Variants in RIPOR3 observed in about 807,000 individuals in gnomAD.
The protein encoded by RIPOR3 is family with sequence similarity 65 member C.
Under a neutral mutation model 114.3 loss-of-function variants are expected in RIPOR3, and 95 were observed. The ratio of observed to expected loss-of-function variants is 0.83; its 90% CI spans 0.70 to 0.99. RIPOR3 has a LOEUF of 0.99. Among genes scored for constraint, RIPOR3 ranks in the 50% least tolerant of loss-of-function variants. The pLI is 0.00. For missense variants in RIPOR3, 1,252 were observed against 1,266.9 expected (o/e 0.99, Z 0.18); for synonymous variants, 575 against 543.8 (o/e 1.06, Z -0.80).
At chr20:50,677,367 CTT>C (rs34725648) in intron 1 of RIPOR3, among the ~76,000 whole-genome samples, 66,549 of 96,326 alleles carry the variant, frequency 0.69, 22,622 homozygotes, top group East Asian at 0.78. Context: ...TCTTGTTTTA[CTT>C]TTTTTTTTTT....
At chr20:50,624,929 A>G (rs1040145200) in intron 2 of RIPOR3, among the ~76,000 whole-genome samples, 4 of 152,232 alleles carry the variant, frequency 2.6e-5, no homozygotes, top group African/African-American at 9.6e-5. Context: ...GACTGACTGC[A>G]CAGGCTTCAG....
At chr20:50,592,697 C>G (rs2083152714) in intron 18 of RIPOR3, 151 bp from the exon 19 acceptor site, 2 of 717,454 alleles carry the variant, frequency 2.8e-6, no homozygotes, top group East Asian at 6.0e-5. Context: ...ACTAATTTCA[C>G]AGGGAGCTCC....
At chr20:50,635,931 C>T (rs1023849320) in intron 1 of RIPOR3, among the ~76,000 whole-genome samples, 2 of 152,206 alleles carry the variant, frequency 1.3e-5, no homozygotes, top group Non-Finnish European at 1.5e-5. Flanking sequence ...GGAGGGGGAC[C>T]TGCCAAGCTA....
chr20:50,599,608 A>C (rs1205575058), intron 13 of RIPOR3, among the ~76,000 whole-genome samples: 1 of 151,990 alleles, frequency 6.6e-6, no homozygotes, highest in Admixed American at 6.6e-5. Flanking sequence ...AAGCACAAAA[A>C]CTTGAAAAAC....
intron 1 of RIPOR3, among the ~76,000 whole-genome samples, chr20:50,666,212 C>CTTTTCTTTTCTTTT (rs1568944944): frequency 2.3e-4 from 25 of 108,408 alleles, no homozygotes; most frequent in African/African-American, 1.1e-3. Context: ...CTTTTCTTTT[C>CTTTTCTTTTCTTTT]TTTTCTTTTC....
At chr20:50,589,084 G>GAAAAAAAAAA (rs529410533) in intron 20 of RIPOR3, among the ~76,000 whole-genome samples, 5 of 89,524 alleles carry the variant, frequency 5.6e-5, no homozygotes, top group African/African-American at 1.4e-4. Context: ...TCCATCTCAA[G>GAAAAAAAAAA]AAAAAAAAAA....
chr20:50,622,120 A>C (rs1199197895), intron 2 of RIPOR3, among the ~76,000 whole-genome samples: 1 of 151,954 alleles, frequency 6.6e-6, no homozygotes, highest in East Asian at 1.9e-4. Flanking sequence ...TCACTTAATG[A>C]CAACATTCTC....
intron 1 of RIPOR3, among the ~76,000 whole-genome samples, chr20:50,647,043 C>A (rs143185051): frequency 6.6e-6 from 1 of 152,140 alleles, no homozygotes; most frequent in Non-Finnish European, 1.5e-5. Context: ...AAAAGGGGGC[C>A]GGGCGTGGTG....
At chr20:50,617,188 A>G (rs745494905) in intron 3 of RIPOR3, among the ~76,000 whole-genome samples, 2 of 152,112 alleles carry the variant, frequency 1.3e-5, no homozygotes, top group Non-Finnish European at 2.9e-5. Flanking sequence ...CAAGGCAGGG[A>G]GTCCCATCTT....
At chr20:50,655,922 G>GA (rs1013776052) in intron 1 of RIPOR3, among the ~76,000 whole-genome samples, 3 of 151,570 alleles carry the variant, frequency 2.0e-5, no homozygotes, top group East Asian at 1.9e-4. Context: ...CCCAGTTTGG[G>GA]AAAAAAATAC....
At chr20:50,639,469 G>T (rs902321876) in intron 1 of RIPOR3, among the ~76,000 whole-genome samples, 2 of 152,132 alleles carry the variant, frequency 1.3e-5, no homozygotes, top group African/African-American at 4.8e-5. Context: ...GCTCCCCGGG[G>T]GCAGGGCACT....
intron 1 of RIPOR3, among the ~76,000 whole-genome samples, chr20:50,670,014 G>A (rs1419705931): frequency 3.5e-5 from 2 of 57,606 alleles, no homozygotes; most frequent in African/African-American, 7.8e-5. Context: ...AAAATTAGCC[G>A]GGCGTGGTGG....
intron 1 of RIPOR3, among the ~76,000 whole-genome samples, chr20:50,683,941 C>A (rs905323250): frequency 6.6e-6 from 1 of 151,804 alleles, no homozygotes; most frequent in Non-Finnish European, 1.5e-5. Context: ...ATTAGTTAAG[C>A]GTGGTAGTGT....
rs1396901531 is a variant in RIPOR3, at chr20:50,595,384, T to C, written c.2035A>G (p.Thr679Ala). Residue 679 changes from threonine (T) to alanine (A), a missense_variant, in exon 16 of 22, where the codon ACA (threonine) becomes GCA (alanine). Physicochemically the swap from Thr to Ala is moderately conservative, Grantham distance 58. Coordinates refer to ENST00000327979, the MANE Select transcript of RIPOR3 (RefSeq NM_001290268.2). Reference protein sequence around the residue: ...VLDFEKVGKATSIEEIIPQAS... With the variant: ...VLDFEKVGKAASIEEIIPQAS... ...AGCTACTTACTCTCTTCAATGGATG[T>C]TGCCTTGCCGACCTTCTCAAAGTCA... 1 of 1,613,956 alleles carries C rather than the reference T, an allele frequency of 6.2e-7. No individual in the cohort carries two copies. The highest frequency in any genetic ancestry group is 1.7e-5 in the Admixed American group (1 of 60,012).
At chr20:50,651,578 G>A (rs188954294) in intron 1 of RIPOR3, among the ~76,000 whole-genome samples, 21 of 152,296 alleles carry the variant, frequency 1.4e-4, no homozygotes, top group Admixed American at 1.2e-3. Flanking sequence ...GAGTCAGATG[G>A]AACGGTGTTC....
At chr20:50,653,791 A>G (rs1224637173) in intron 1 of RIPOR3, among the ~76,000 whole-genome samples, 1 of 151,798 alleles carries the variant, frequency 6.6e-6, no homozygotes, top group African/African-American at 2.4e-5. Flanking sequence ...GGGTTTTGCC[A>G]TGTTGCCCAG....
rs191480720 is a variant in RIPOR3 at position 50,633,434 on chromosome 20, G to A, written c.4-2578C>T. Among the ~76,000 whole-genome samples the A allele has an allele frequency of 7.1e-3, 1,088 of 152,286 alleles. 5 individuals are homozygous for A. Among genetic ancestry groups the A allele is most frequent in the Non-Finnish European group, 0.012 (810 of 68,032 alleles). On this transcript the variant is annotated intron_variant, in intron 1 of 21. Transcript: ENST00000327979. ...TTTCTGTCTGCTGGTTGTTAAACAC[G>A]TATGAGCTCCTCACTGCTGTTACCC...
intron 1 of RIPOR3, among the ~76,000 whole-genome samples, chr20:50,664,282 T>G (rs1396097632): frequency 6.6e-6 from 1 of 152,166 alleles, no homozygotes; most frequent in East Asian, 1.9e-4. Flanking sequence ...CAACCTAATA[T>G]TTAAGGTAGG....
At chr20:50,594,981 C>T (rs1167687880) in intron 16 of RIPOR3, 1 of 512,514 alleles carries the variant, frequency 2.0e-6, no homozygotes, top group Non-Finnish European at 3.5e-6. Flanking sequence ...ACCTGGCCTT[C>T]TGAGGGGAGG....
Sources: gnomAD v4.1 joint callset for allele counts (sites outside exome capture counted in the v4.1 genomes callset) on GRCh38, gnomAD v4.1.1 for gene constraint, MANE v1.5 for transcripts, NCBI Gene and HGNC (gene_info 2026-07-23, HGNC 2026-07-21) for gene names.